Variants in RIMBP2 observed in about 807,000 individuals in gnomAD.
RIMBP2 encodes RIMS binding protein 2, also known as RIMS-binding protein 2.
Under a neutral mutation model 118.6 loss-of-function variants are expected in RIMBP2, and 48 were observed. The ratio of observed to expected loss-of-function variants is 0.40; its 90% CI spans 0.32 to 0.51. The LOEUF (loss-of-function observed/expected upper bound fraction) is 0.51, where lower values mean the gene tolerates loss of function less well. RIMBP2 is among the 20% of genes least tolerant of loss of function. The pLI is 0.41. For missense variants in RIMBP2, 1,551 were observed against 1,768.3 expected (o/e 0.88, Z 2.20); for synonymous variants, 762 against 742.9 (o/e 1.03, Z -0.42).
chr12:130,453,517 C>T (rs145629290), intron 7 of RIMBP2, among the ~76,000 whole-genome samples: 1 of 152,210 alleles, frequency 6.6e-6, no homozygotes, highest in African/African-American at 2.4e-5. Context: ...AGGAGGACAC[C>T]TGGCCCTTTG....
chr12:130,647,446 T>C (rs1296862339), intron 1 of RIMBP2, among the ~76,000 whole-genome samples: 3 of 108,944 alleles, frequency 2.8e-5, no homozygotes, highest in Non-Finnish European at 7.1e-5. Context: ...TGCTTCCCTA[T>C]AGAAGCTAAA....
chr12:130,505,023 C>T (rs1424530178), intron 4 of RIMBP2, among the ~76,000 whole-genome samples: 1 of 152,214 alleles, frequency 6.6e-6, no homozygotes, highest in Middle Eastern at 3.2e-3. Flanking sequence ...ATTCACTAAG[C>T]CCTGAACCTG....
intron 2 of RIMBP2, among the ~76,000 whole-genome samples, chr12:130,539,109 C>T (rs2054333125): frequency 6.6e-6 from 1 of 152,084 alleles, no homozygotes. Flanking sequence ...TGGAACACAC[C>T]CATATTCATT....
At chr12:130,638,656 TC>T (rs909052305) in intron 1 of RIMBP2, among the ~76,000 whole-genome samples, 1 of 152,090 alleles carries the variant, frequency 6.6e-6, no homozygotes, top group South Asian at 2.1e-4. Context: ...CTGAAACCTT[TC>T]CCCCTCCCCA....
At chr12:130,439,271 T>C (rs963013535) in intron 11 of RIMBP2, among the ~76,000 whole-genome samples, 3 of 152,038 alleles carry the variant, frequency 2.0e-5, no homozygotes, top group African/African-American at 7.3e-5. Flanking sequence ...TGTATGTGTG[T>C]ATGTACATTG....
rs867839337 is a variant in RIMBP2, at chr12:130,474,231, T to C, written c.103-3488A>G. On this transcript the variant is annotated intron_variant, in intron 5 of 22. Coordinates refer to ENST00000690449, the MANE Select transcript of RIMBP2 (RefSeq NM_001393629.1). The stretch of plus-strand genomic sequence containing the variant: ...CTTATCCGTCACATGGAGAAAACAA[T>C]GGTGCCTCCGCCCCGCAGGTTACAC... Among the ~76,000 whole-genome samples the C allele has an allele frequency of 2.0e-4, 31 of 152,178 alleles. 1 individual carries two copies. Among genetic ancestry groups the C allele is most frequent in the African/African-American group, 7.0e-4 (29 of 41,430 alleles).
At chr12:130,411,474 A>C (rs1261704549) in intron 19 of RIMBP2, among the ~76,000 whole-genome samples, 2 of 152,208 alleles carry the variant, frequency 1.3e-5, no homozygotes, top group African/African-American at 4.8e-5. Flanking sequence ...TAAGGATGAT[A>C]GTTTCTGGCA....
intron 2 of RIMBP2, among the ~76,000 whole-genome samples, chr12:130,559,926 G>A (rs2056678842): frequency 6.6e-6 from 1 of 152,190 alleles, no homozygotes; most frequent in African/African-American, 2.4e-5. Context: ...GGGTTGTTTA[G>A]GACATGCTCT....
chr12:130,460,778 C>A (rs1018411525), intron 6 of RIMBP2, among the ~76,000 whole-genome samples: 1 of 152,108 alleles, frequency 6.6e-6, no homozygotes, highest in Non-Finnish European at 1.5e-5. Context: ...CAGGGCCTGG[C>A]GCCGGGGACA....
intron 2 of RIMBP2, among the ~76,000 whole-genome samples, chr12:130,619,368 C>T (rs974015389): frequency 6.6e-6 from 1 of 152,184 alleles, no homozygotes; most frequent in African/African-American, 2.4e-5. Context: ...AGCTTTCATT[C>T]CCTCACCTCT....
At chr12:130,648,720 G>A (rs981886470) in intron 1 of RIMBP2, among the ~76,000 whole-genome samples, 8 of 141,762 alleles carry the variant, frequency 5.6e-5, no homozygotes, top group East Asian at 2.0e-4. Context: ...GCAGTGGCGC[G>A]ATCTCGGCTC....
At chr12:130,452,531 G>A (rs1021280662) in intron 7 of RIMBP2, among the ~76,000 whole-genome samples, 2 of 152,212 alleles carry the variant, frequency 1.3e-5, no homozygotes, top group African/African-American at 2.4e-5. Context: ...CAGAAGCCTC[G>A]GAAACCCAGC....
chr12:130,573,056 C>T (rs1200766680), intron 2 of RIMBP2, among the ~76,000 whole-genome samples: 6 of 152,088 alleles, frequency 3.9e-5, no homozygotes, highest in African/African-American at 1.2e-4. Flanking sequence ...AAGTGCCCAG[C>T]GCCTGCCCCA....
In RIMBP2 at chr12:130,399,828, G is replaced by A. The variant is rs768510032; in HGVS notation, c.3766-15C>T. 29 of 1,613,580 alleles carry A rather than the reference G, an allele frequency of 1.8e-5. No homozygotes were observed. Among genetic ancestry groups the A allele is most frequent in the African/African-American group, 2.7e-5 (2 of 74,894 alleles). Reference sequence around the variant, plus strand: ...TTCAGCTCCCCCTAAAACACCAGGGGTGAGGCAGAAGAACTATTTATTTTT... The same window carrying A: ...TTCAGCTCCCCCTAAAACACCAGGGATGAGGCAGAAGAACTATTTATTTTT... On this transcript the variant is annotated splice_polypyrimidine_tract_variant and intron_variant, in intron 21 of 22. Coordinates refer to ENST00000690449, the MANE Select transcript of RIMBP2 (RefSeq NM_001393629.1).
rs1204116811 is a variant in RIMBP2, at chr12:130,525,143, C to G, written c.-216-7226G>C. ...GCAGGAGACAGAGCTGGGAGAAGCC[C>G]AAGCATCACAAATGGGCATGAGCCG... On this transcript the variant is annotated intron_variant, in intron 2 of 22. Coordinates refer to ENST00000690449, the MANE Select transcript of RIMBP2 (RefSeq NM_001393629.1). This position sits in a 1 kb window ranked among gnomAD's most constrained non-coding sequence, Gnocchi z 4.4. Among the ~76,000 whole-genome samples, 1 of 152,158 alleles carries G rather than the reference C, an allele frequency of 6.6e-6. No homozygotes were observed. Among genetic ancestry groups the G allele is most frequent in the Admixed American group, 6.5e-5 (1 of 15,278 alleles).
At chr12:130,536,858 T>C (rs889244998) in intron 2 of RIMBP2, among the ~76,000 whole-genome samples, 4 of 152,168 alleles carry the variant, frequency 2.6e-5, no homozygotes, top group Non-Finnish European at 2.9e-5. Flanking sequence ...TAAGTCACAA[T>C]GATACCGTGA....
At chr12:130,650,808 C>T (rs2063198543) in intron 1 of RIMBP2, among the ~76,000 whole-genome samples, 1 of 151,976 alleles carries the variant, frequency 6.6e-6, no homozygotes, top group South Asian at 2.1e-4. Flanking sequence ...CCCCTCAAAA[C>T]AAGCAATTGC....
intron 1 of RIMBP2, among the ~76,000 whole-genome samples, chr12:130,646,806 C>T (rs1362088921): frequency 6.6e-6 from 1 of 152,214 alleles, no homozygotes; most frequent in Non-Finnish European, 1.5e-5. Flanking sequence ...ACACAGAGTC[C>T]CTGAACCAGG....
chr12:130,687,562 G>C (rs1316528580), intron 1 of RIMBP2, among the ~76,000 whole-genome samples: 1 of 152,166 alleles, frequency 6.6e-6, no homozygotes, highest in African/African-American at 2.4e-5. Flanking sequence ...TTTCCTAGAT[G>C]TTTGTTTCTT....
Sources: gnomAD v4.1 joint callset for allele counts (sites outside exome capture counted in the v4.1 genomes callset) on GRCh38, gnomAD v4.1.1 for gene constraint, Gnocchi (gnomAD v3.1) non-coding constraint, MANE v1.5 for transcripts, NCBI Gene and HGNC (gene_info 2026-07-23, HGNC 2026-07-21) for gene names.